The following GPATCH2 variants were observed in gnomAD, a reference collection of about 807,000 sequenced individuals.
GPATCH2 encodes the protein G patch domain-containing protein 2.
In GPATCH2, 51 loss-of-function variants were observed where a neutral mutation model predicts 58.0. The observed-to-expected ratio is 0.88, with a 90% CI of 0.70 to 1.11. GPATCH2 has a LOEUF of 1.11. GPATCH2 is among the 50% of genes most tolerant of loss of function. The pLI is 0.00. For missense variants in GPATCH2, 625 were observed against 652.2 expected (o/e 0.96, Z 0.45); for synonymous variants, 222 against 218.5 (o/e 1.02, Z -0.14).
At chr1:217,478,252 A>G (rs1208524613) in intron 8 of GPATCH2, among the ~76,000 whole-genome samples, 2 of 152,280 alleles carry the variant, frequency 1.3e-5, no homozygotes, top group Middle Eastern at 3.4e-3. Flanking sequence ...ACACAGACAA[A>G]CACTTACAAG....
At chr1:217,535,229 G>A (rs922859337) in intron 5 of GPATCH2, among the ~76,000 whole-genome samples, 7 of 152,170 alleles carry the variant, frequency 4.6e-5, no homozygotes, top group African/African-American at 7.2e-5. Flanking sequence ...TGACTTAAGC[G>A]AAATAGAAAA....
chr1:217,524,276 A>G (rs1313356002), intron 5 of GPATCH2, among the ~76,000 whole-genome samples: 1 of 150,450 alleles, frequency 6.6e-6, no homozygotes, highest in African/African-American at 2.5e-5. Context: ...GGCCGGGCAG[A>G]GACGCTCCTC....
intron 9 of GPATCH2, among the ~76,000 whole-genome samples, chr1:217,441,716 T>A (rs909293805): frequency 6.6e-6 from 1 of 152,004 alleles, no homozygotes; most frequent in Non-Finnish European, 1.5e-5. Context: ...AAGAAGACAT[T>A]TATGTGGCCA....
chr1:217,475,161 C>T (rs1029575659), intron 8 of GPATCH2, among the ~76,000 whole-genome samples: 7 of 152,162 alleles, frequency 4.6e-5, no homozygotes, highest in South Asian at 2.1e-4. Context: ...AGAGAAGGCT[C>T]GGCGCGGTGG....
At chr1:217,434,096 T>C (rs919604853) in intron 9 of GPATCH2, among the ~76,000 whole-genome samples, 1 of 152,224 alleles carries the variant, frequency 6.6e-6, no homozygotes, top group Non-Finnish European at 1.5e-5. Flanking sequence ...ATTTCTCAAA[T>C]GGATTCATAG....
intron 5 of GPATCH2, among the ~76,000 whole-genome samples, chr1:217,578,279 C>G (rs777625805): frequency 1.3e-5 from 2 of 151,978 alleles, no homozygotes; most frequent in African/African-American, 4.8e-5. Flanking sequence ...CCCAGATTGA[C>G]GGGCAGTGGC....
chr1:217,536,192 T>C (rs1231073219), intron 5 of GPATCH2, among the ~76,000 whole-genome samples: 1 of 152,232 alleles, frequency 6.6e-6, no homozygotes, highest in Non-Finnish European at 1.5e-5. Flanking sequence ...GAGTGCTTTG[T>C]AGTCAGATGA....
chr1:217,502,222 A>G (rs1258555669), intron 6 of GPATCH2, among the ~76,000 whole-genome samples: 2 of 152,058 alleles, frequency 1.3e-5, no homozygotes, highest in Admixed American at 6.6e-5. Context: ...TTTTCCATAT[A>G]CATTTTAAAA....
chr1:217,550,315 T>C (rs1261962479), intron 5 of GPATCH2, among the ~76,000 whole-genome samples: 1 of 152,138 alleles, frequency 6.6e-6, no homozygotes, highest in African/African-American at 2.4e-5. Flanking sequence ...TAAAAGATCA[T>C]TATTATTCAT....
intron 5 of GPATCH2, among the ~76,000 whole-genome samples, chr1:217,584,590 A>G (rs917856056): frequency 6.6e-6 from 1 of 151,960 alleles, no homozygotes; most frequent in African/African-American, 2.4e-5. Context: ...AGAGGTTTAA[A>G]TATTAACAGT....
chr1:217,540,441 G>A (rs539704439), intron 5 of GPATCH2, among the ~76,000 whole-genome samples: 1 of 152,166 alleles, frequency 6.6e-6, no homozygotes, highest in Non-Finnish European at 1.5e-5. Context: ...ATGATTACGT[G>A]TGAAAGTAAC....
Position 217,630,910 on chromosome 1 carries a change from C to A in GPATCH2, c.56+6G>T, listed in dbSNP as rs373973855. On this transcript the variant is annotated splice_donor_region_variant and intron_variant, in intron 1 of 9. Coordinates refer to ENST00000366935, the MANE Select transcript of GPATCH2 (RefSeq NM_018040.5). ...ACCTCCCCCTCCCCAGGGCCGCCAG[C>A]CTCACCAGCTGTTCCCGGCTGCTGG... is the stretch of plus-strand genomic sequence containing the variant. 1 of 1,586,144 alleles carries A rather than the reference C, an allele frequency of 6.3e-7. No homozygotes were observed. Among genetic ancestry groups the A allele is most frequent in the Non-Finnish European group, 8.5e-7 (1 of 1,171,052 alleles).
chr1:217,524,937 A>G (rs866667135), intron 5 of GPATCH2, among the ~76,000 whole-genome samples: 5 of 52,244 alleles, frequency 9.6e-5, no homozygotes, highest in Admixed American at 4.7e-4. Context: ...GGGAGAGGGG[A>G]GAGGGAGATT....
chr1:217,470,799 A>G (rs1316925710), intron 8 of GPATCH2, among the ~76,000 whole-genome samples: 2 of 152,114 alleles, frequency 1.3e-5, no homozygotes, highest in African/African-American at 4.8e-5. Flanking sequence ...CTATACTTAG[A>G]CGCCATTTGA....
In GPATCH2 at chr1:217,592,051, T is replaced by G. The variant is rs1173061690; in HGVS notation, c.1098+18270A>C. On this transcript the variant is annotated intron_variant, in intron 5 of 9. Coordinates refer to ENST00000366935, the MANE Select transcript of GPATCH2 (RefSeq NM_018040.5). ...TCACAACTTAAAGAAAGAACTATTTTTTGATGAACAAGAAAGACTTGGAAT... is the reference window on the plus strand; with the variant it reads ...TCACAACTTAAAGAAAGAACTATTTGTTGATGAACAAGAAAGACTTGGAAT... Among the ~76,000 whole-genome samples the G allele has an allele frequency of 7.2e-5, 11 of 152,182 alleles. No homozygotes were observed. The East Asian group carries it at 2.1e-3, about 29-fold the overall frequency.
At chr1:217,528,839 G>C (rs764096251) in intron 5 of GPATCH2, among the ~76,000 whole-genome samples, 2 of 152,190 alleles carry the variant, frequency 1.3e-5, no homozygotes, top group Admixed American at 6.5e-5. Flanking sequence ...AGGGGACCAG[G>C]GTGAGGACTG....
intron 9 of GPATCH2, 84 bp downstream of exon 9, chr1:217,449,165 G>A (rs2102469022): frequency 1.3e-6 from 1 of 777,372 alleles, no homozygotes; most frequent in East Asian, 2.4e-5. Context: ...TTCATTGCAA[G>A]TGATTAAGAA....
intron 5 of GPATCH2, among the ~76,000 whole-genome samples, chr1:217,590,796 C>T (rs910434584): frequency 6.6e-6 from 1 of 152,122 alleles, no homozygotes; most frequent in Admixed American, 6.5e-5. Context: ...TTACAAAGTC[C>T]TATCACTTAC....
At chr1:217,446,772 A>G (rs1296117208) in intron 9 of GPATCH2, among the ~76,000 whole-genome samples, 1 of 152,212 alleles carries the variant, frequency 6.6e-6, no homozygotes, top group Non-Finnish European at 1.5e-5. Context: ...TTATATAAAA[A>G]AAACTGTTTT....
Sources: allele counts gnomAD v4.1 joint callset (sites outside exome capture counted in the v4.1 genomes callset), GRCh38; gene constraint gnomAD v4.1.1; transcripts MANE v1.5; gene names NCBI Gene and HGNC (gene_info 2026-07-23, HGNC 2026-07-21).